TP63: variants seen among roughly 807,000 people sequenced by gnomAD.
TP63 encodes tumor protein p63, also known as tumor protein 63.
Under a neutral mutation model 82.8 loss-of-function variants are expected in TP63, and 17 were observed. That is an observed-to-expected ratio of 0.21 (90% confidence interval 0.14 to 0.31). The LOEUF (loss-of-function observed/expected upper bound fraction) is 0.31, where lower values mean the gene tolerates loss of function less well. Ranked by LOEUF, TP63 falls within the 10% of genes least tolerant of loss-of-function variation. The probability of loss-of-function intolerance (pLI) is 1.00; values close to 1 mark genes in which losing one functional copy is unlikely to be tolerated. For synonymous variants in TP63, 330 were observed against 321.7 expected, an observed-to-expected ratio of 1.03 and a Z score of -0.28; for missense variants, 648 against 895.3, an observed-to-expected ratio of 0.72 and a Z score of 3.52.
At chr3:189,724,363 T>C (rs1490863170) in intron 1 of TP63, among the ~76,000 whole-genome samples, 1 of 152,172 alleles carries the variant, frequency 6.6e-6, no homozygotes, top group Non-Finnish European at 1.5e-5. Context: ...GGGGAACAGG[T>C]AGTGTTTGGT....
At chr3:189,838,098 A>C (rs1036950373) in intron 4 of TP63, among the ~76,000 whole-genome samples, 2 of 152,164 alleles carry the variant, frequency 1.3e-5, no homozygotes, top group African/African-American at 2.4e-5. Context: ...ACAAGATTAA[A>C]TATGAGCTAA....
At chr3:189,663,551 AG>A (rs1385769745) in intron 1 of TP63, among the ~76,000 whole-genome samples, 2 of 93,922 alleles carry the variant, frequency 2.1e-5, no homozygotes, top group Non-Finnish European at 4.1e-5. Flanking sequence ...TTTTTGAGAC[AG>A]TGTCTCACTC....
intron 3 of TP63, among the ~76,000 whole-genome samples, chr3:189,762,732 A>T (rs375185942): frequency 6.6e-6 from 1 of 152,238 alleles, no homozygotes; most frequent in African/African-American, 2.4e-5. Flanking sequence ...TTCAAGAAGC[A>T]CTTACTGAGT....
chr3:189,680,155 G>T (rs1295377450), intron 1 of TP63, among the ~76,000 whole-genome samples: 3 of 151,688 alleles, frequency 2.0e-5, no homozygotes, highest in Admixed American at 2.0e-4. Context: ...ATTCTGGTAG[G>T]GATTGCATTA....
intron 10 of TP63, among the ~76,000 whole-genome samples, chr3:189,874,656 A>G (rs796649419): frequency 6.6e-5 from 10 of 152,342 alleles, no homozygotes; most frequent in African/African-American, 2.4e-4. Flanking sequence ...ATTAGAACTC[A>G]GAGTTGCAGA....
chr3:189,753,043 G>T (rs922700300), intron 3 of TP63, among the ~76,000 whole-genome samples: 1 of 151,972 alleles, frequency 6.6e-6, no homozygotes, highest in African/African-American at 2.4e-5. Context: ...ATTTATTAAG[G>T]TTTGTTTCTA....
chr3:189,830,677 C>A (rs536066994), intron 4 of TP63, among the ~76,000 whole-genome samples: 2 of 152,224 alleles, frequency 1.3e-5, no homozygotes, highest in South Asian at 4.1e-4. Context: ...AAGGTAAGGT[C>A]TCCATTTAGA....
intron 1 of TP63, among the ~76,000 whole-genome samples, chr3:189,665,533 A>C (rs1435461864): frequency 1.3e-5 from 2 of 152,084 alleles, no homozygotes; most frequent in Non-Finnish European, 2.9e-5. Flanking sequence ...TGATATTTGC[A>C]ACTATGAGGG....
At chr3:189,631,116 C>A, upstream of TP63, 2 of 557,776 alleles carry the variant, frequency 3.6e-6, no homozygotes, top group African/African-American at 2.0e-5. Flanking sequence ...TGAAATTAAA[C>A]TCTGATGCCA....
chr3:189,717,375 G>A (rs1010867473), intron 1 of TP63, among the ~76,000 whole-genome samples: 13 of 152,158 alleles, frequency 8.5e-5, no homozygotes, highest in Admixed American at 3.9e-4. Context: ...CAAGAGACCA[G>A]CTTGAGAGAG....
intron 2 of TP63, 90 bp from the exon 3 acceptor site, chr3:189,738,552 G>A (rs1299706775): frequency 6.3e-7 from 1 of 1,594,858 alleles, no homozygotes; most frequent in African/African-American, 1.3e-5. Context: ...TGCTGACTTT[G>A]AAGCAGAAAA....
intron 1 of TP63, among the ~76,000 whole-genome samples, chr3:189,676,296 T>C (rs1472134785): frequency 6.6e-6 from 1 of 152,090 alleles, no homozygotes; most frequent in East Asian, 1.9e-4. Context: ...CATTGTGCCC[T>C]TTCACCAATA....
chr3:189,704,515 T>A (rs1341866718), intron 1 of TP63, among the ~76,000 whole-genome samples: 2 of 152,212 alleles, frequency 1.3e-5, no homozygotes, highest in Non-Finnish European at 2.9e-5. Context: ...CCTGCTTTCA[T>A]TGTACCCTCT....
intron 1 of TP63, among the ~76,000 whole-genome samples, chr3:189,664,369 A>C (rs1714191383): frequency 6.6e-6 from 1 of 152,156 alleles, no homozygotes; most frequent in South Asian, 2.1e-4. Flanking sequence ...TATTTTTTCA[A>C]AAACATTCAA....
intron 4 of TP63, among the ~76,000 whole-genome samples, chr3:189,832,023 G>A (rs1285357337): frequency 6.6e-6 from 1 of 151,564 alleles, no homozygotes; most frequent in African/African-American, 2.4e-5. Flanking sequence ...GTAGAGACAG[G>A]GTTTCACCAT....
At chr3:189,739,641 C>T (rs981516417) in intron 3 of TP63, among the ~76,000 whole-genome samples, 13 of 152,080 alleles carry the variant, frequency 8.5e-5, no homozygotes, top group Admixed American at 6.6e-4. Flanking sequence ...GGCCCCAGTT[C>T]CTCATTTATA....
rs556727826 is a variant in TP63 at position 189,811,408 on chromosome 3, A to G, written c.579+2882A>G. 2.0e-5 allele frequency among the ~76,000 whole-genome samples: 3 copies of G among 152,214 alleles called. No homozygotes were observed. The East Asian group carries it at 5.8e-4, about 29-fold the overall frequency. On this transcript the variant is annotated intron_variant, in intron 4 of 13. Transcript: ENST00000264731. ...CTATAAATTTTACAATCAGGTTTCT[A>G]CTCACATATCACATGGTAATTATAT...
intron 1 of TP63, among the ~76,000 whole-genome samples, chr3:189,672,667 A>AG (rs1715014070): frequency 3.7e-5 from 2 of 53,452 alleles, no homozygotes; most frequent in African/African-American, 1.2e-4. Context: ...GAAGGAAAGA[A>AG]GGAAGGAAGG....
chr3:189,696,518 GT>G (rs1401514817), intron 1 of TP63, among the ~76,000 whole-genome samples: 2 of 152,126 alleles, frequency 1.3e-5, no homozygotes, highest in South Asian at 2.1e-4. Context: ...TCCAATGTGT[GT>G]TTTTGCGTAG....
Sources: gnomAD v4.1 joint callset for allele counts (sites outside exome capture counted in the v4.1 genomes callset) on GRCh38, gnomAD v4.1.1 for gene constraint, MANE v1.5 for transcripts, NCBI Gene and HGNC (gene_info 2026-07-23, HGNC 2026-07-21) for gene names.